The following REDIC1 variants were observed in gnomAD, a reference collection of about 807,000 sequenced individuals.
REDIC1 encodes the protein HEI10 Interacting Protein 1.
chr12:39,682,688 G>C, the REDIC1 span: 2 of 1,612,064 alleles, frequency 1.2e-6, no homozygotes, highest in South Asian at 2.2e-5. Flanking sequence ...GATGAAATAA[G>C]ACAGTCAGAC....
the REDIC1 span, among the ~76,000 whole-genome samples, chr12:39,793,586 C>A: frequency 6.6e-6 from 1 of 152,152 alleles, no homozygotes; most frequent in South Asian, 2.1e-4. Context: ...GAGAACATTT[C>A]TAACGTGAAG....
At chr12:39,892,243 A>G in the REDIC1 span, among the ~76,000 whole-genome samples, 1 of 152,194 alleles carries the variant, frequency 6.6e-6, no homozygotes, top group Non-Finnish European at 1.5e-5. Context: ...CTATCTCATT[A>G]ATCTGCCTGT....
chr12:39,796,394 A>G, the REDIC1 span, among the ~76,000 whole-genome samples: 2 of 145,098 alleles, frequency 1.4e-5, no homozygotes, highest in African/African-American at 5.2e-5. Flanking sequence ...GTTTGAGATC[A>G]CCCTGGCCAA....
the REDIC1 span, among the ~76,000 whole-genome samples, chr12:39,852,984 C>T: frequency 7.9e-5 from 12 of 152,138 alleles, no homozygotes; most frequent in African/African-American, 2.2e-4. Context: ...GCTCTTGAGT[C>T]GCTTGCTTGA....
chr12:39,713,140 T>A, the REDIC1 span, among the ~76,000 whole-genome samples: 1 of 150,048 alleles, frequency 6.7e-6, no homozygotes, highest in Non-Finnish European at 1.5e-5. Flanking sequence ...TACGTATATA[T>A]GTAGATATGT....
chr12:39,671,065 A>G, the REDIC1 span, among the ~76,000 whole-genome samples: 1 of 152,006 alleles, frequency 6.6e-6, no homozygotes, highest in Admixed American at 6.6e-5. Flanking sequence ...CTGTTGTTGG[A>G]GAATTAATGT....
the REDIC1 span, among the ~76,000 whole-genome samples, chr12:39,640,090 G>T: frequency 3.4e-5 from 5 of 147,154 alleles, no homozygotes; most frequent in African/African-American, 1.3e-4. Flanking sequence ...AGATGCTGTT[G>T]TCTCAATTTT....
the REDIC1 span, among the ~76,000 whole-genome samples, chr12:39,890,418 G>C: frequency 1.3e-5 from 2 of 152,278 alleles, no homozygotes; most frequent in African/African-American, 2.4e-5. Flanking sequence ...CTGGCAAAGG[G>C]AAAGTAAGGT....
the REDIC1 span, among the ~76,000 whole-genome samples, chr12:39,893,529 A>C: frequency 6.6e-6 from 1 of 152,146 alleles, no homozygotes. Flanking sequence ...CAAACTCCTG[A>C]CCTCAGGTGA....
the REDIC1 span, among the ~76,000 whole-genome samples, chr12:39,746,247 C>G: frequency 6.6e-6 from 1 of 152,140 alleles, no homozygotes; most frequent in Non-Finnish European, 1.5e-5. Flanking sequence ...TAATACTGCA[C>G]TTTTCCCATG....
chr12:39,821,956 A>G, the REDIC1 span, among the ~76,000 whole-genome samples: 40 of 152,164 alleles, frequency 2.6e-4, no homozygotes, highest in Non-Finnish European at 1.5e-4. Context: ...TTTAGGGTAC[A>G]TGTGCACAAT....
chr12:39,713,410 A>T, the REDIC1 span, among the ~76,000 whole-genome samples: 1 of 9,404 alleles, frequency 1.1e-4, no homozygotes, highest in African/African-American at 1.9e-4. Flanking sequence ...ACGTATGTAT[A>T]CACATATACA....
At chr12:39,639,053 T>C in the REDIC1 span, among the ~76,000 whole-genome samples, 1 of 152,040 alleles carries the variant, frequency 6.6e-6, no homozygotes, top group Non-Finnish European at 1.5e-5. Flanking sequence ...TATTGCCAGC[T>C]CTGTTATACT....
At chr12:39,857,005 C>A in the REDIC1 span, among the ~76,000 whole-genome samples, 1 of 152,140 alleles carries the variant, frequency 6.6e-6, no homozygotes, top group Non-Finnish European at 1.5e-5. Flanking sequence ...TTTGTTTATG[C>A]AGATGCTATT....
chr12:39,782,967 C>G, the REDIC1 span, among the ~76,000 whole-genome samples: 1 of 152,090 alleles, frequency 6.6e-6, no homozygotes, highest in Non-Finnish European at 1.5e-5. Flanking sequence ...GTGTGCTGCA[C>G]CCATTAACTC....
At chr12:39,728,718 A>G in the REDIC1 span, among the ~76,000 whole-genome samples, 1 of 149,080 alleles carries the variant, frequency 6.7e-6, no homozygotes, top group African/African-American at 2.5e-5. Context: ...TTCAGAAGGA[A>G]TGGTACCAGC....
chr12:39,732,862 CTGTCTGGCATGACAAGG>C, the REDIC1 span, among the ~76,000 whole-genome samples: 1 of 152,164 alleles, frequency 6.6e-6, no homozygotes, highest in African/African-American at 2.4e-5. Context: ...AGCTTCCTTG[CTGTCTGGCATGACAAGG>C]TGTCTGGCAT....
chr12:39,843,820 G>T, the REDIC1 span, among the ~76,000 whole-genome samples: 941 of 152,032 alleles, frequency 6.2e-3, 12 homozygotes, highest in African/African-American at 0.021. Flanking sequence ...TTTAATATTA[G>T]TAATGCCTAT....
chr12:39,736,663 C>T, the REDIC1 span: 4 of 152,196 alleles, frequency 2.6e-5, no homozygotes, highest in African/African-American at 4.8e-5. Flanking sequence ...AAGGCTATGT[C>T]GTAAAAGGTG....
Sources: gnomAD v4.1 joint callset for allele counts (sites outside exome capture counted in the v4.1 genomes callset) on GRCh38, gnomAD v4.1.1 for gene constraint, MANE v1.5 for transcripts, NCBI Gene and HGNC (gene_info 2026-07-23, HGNC 2026-07-21) for gene names.